The following CACNA2D3 variants were observed in gnomAD, a reference collection of about 807,000 sequenced individuals.
CACNA2D3 encodes calcium voltage-gated channel auxiliary subunit alpha2delta 3, also known as voltage-dependent calcium channel subunit alpha-2/delta-3.
A neutral mutation model predicts 160.6 loss-of-function variants in CACNA2D3; 60 were observed. The ratio of observed to expected loss-of-function variants is 0.37; its 90% CI spans 0.30 to 0.46. The LOEUF (loss-of-function observed/expected upper bound fraction) is 0.46. CACNA2D3 is among the 20% of genes least tolerant of loss of function. The pLI is 1.00. For synonymous variants in CACNA2D3, 558 were observed against 492.9 expected (o/e 1.13, Z -1.75); for missense variants, 1,205 against 1,365.0 (o/e 0.88, Z 1.85).
intron 4 of CACNA2D3, among the ~76,000 whole-genome samples, chr3:54,388,206 G>C (rs1462180880): frequency 6.6e-6 from 1 of 152,212 alleles, no homozygotes; most frequent in African/African-American, 2.4e-5. Flanking sequence ...CCAGAACTCA[G>C]GGAAGATGGC....
intron 4 of CACNA2D3, among the ~76,000 whole-genome samples, chr3:54,488,207 A>G (rs1056218388): frequency 1.3e-5 from 2 of 152,078 alleles, no homozygotes; most frequent in Admixed American, 6.6e-5. Flanking sequence ...TTCCATACCA[A>G]TGGGATGGGT....
At chr3:54,389,907 G>A (rs1446597427) in intron 4 of CACNA2D3, among the ~76,000 whole-genome samples, 3 of 152,192 alleles carry the variant, frequency 2.0e-5, no homozygotes, top group Non-Finnish European at 4.4e-5. Context: ...AAACAATGCT[G>A]TATTAATGTT....
intron 17 of CACNA2D3, among the ~76,000 whole-genome samples, chr3:54,860,855 A>G (rs144349440): frequency 5.9e-5 from 9 of 152,328 alleles, no homozygotes; most frequent in African/African-American, 1.9e-4. Context: ...ATGAGAACAA[A>G]AAAATAGTGC....
At chr3:54,211,000 T>A (rs1375923513) in intron 2 of CACNA2D3, among the ~76,000 whole-genome samples, 1 of 152,190 alleles carries the variant, frequency 6.6e-6, no homozygotes, top group Admixed American at 6.5e-5. Flanking sequence ...TATATATATG[T>A]CTTAAGCGTC....
intron 3 of CACNA2D3, among the ~76,000 whole-genome samples, chr3:54,360,088 G>GC (rs1698716370): frequency 1.3e-5 from 2 of 152,164 alleles, no homozygotes; most frequent in Non-Finnish European, 1.5e-5. Flanking sequence ...AATGTGGTTG[G>GC]CCCCCCACCT....
intron 2 of CACNA2D3, among the ~76,000 whole-genome samples, chr3:54,183,211 A>T (rs1003895439): frequency 1.3e-3 from 104 of 81,454 alleles, no homozygotes; most frequent in South Asian, 9.2e-3. Flanking sequence ...CATAAAGAAA[A>T]TTTTTTTTTT....
At chr3:54,505,280 C>G (rs1232587859) in intron 5 of CACNA2D3, among the ~76,000 whole-genome samples, 2 of 152,158 alleles carry the variant, frequency 1.3e-5, no homozygotes, top group African/African-American at 2.4e-5. Flanking sequence ...ATTAGAACAC[C>G]ATGTATCACA....
chr3:54,642,294 G>T, intron 11 of CACNA2D3, 53 bp downstream of exon 11: 1 of 1,021,774 alleles, frequency 9.8e-7, no homozygotes, highest in Admixed American at 2.4e-5. Context: ...AATCTTTACT[G>T]TAATCTCCAG....
intron 31 of CACNA2D3, among the ~76,000 whole-genome samples, chr3:55,003,865 A>C (rs145856164): frequency 6.6e-6 from 1 of 152,316 alleles, no homozygotes; most frequent in Non-Finnish European, 1.5e-5. Context: ...TAGATAGATA[A>C]GGGAACTTCA....
chr3:54,502,196 C>G (rs1486790820), intron 4 of CACNA2D3, among the ~76,000 whole-genome samples: 1 of 152,204 alleles, frequency 6.6e-6, no homozygotes, highest in East Asian at 1.9e-4. Context: ...TTGGAAAATA[C>G]TCAGCCATTA....
chr3:54,317,233 G>A (rs1021581807), intron 2 of CACNA2D3, among the ~76,000 whole-genome samples: 6 of 152,206 alleles, frequency 3.9e-5, no homozygotes, highest in Admixed American at 2.6e-4. Context: ...ACCAGAGCAC[G>A]CTGTTAGCTT....
chr3:54,260,201 T>C (rs76569337), intron 2 of CACNA2D3, among the ~76,000 whole-genome samples: 27,524 of 152,114 alleles, frequency 0.18, 2,866 homozygotes, highest in South Asian at 0.26. Context: ...CTCTTTTTTC[T>C]CTGGGAACTA....
At chr3:54,866,477 C>A (rs1420180554) in intron 17 of CACNA2D3, among the ~76,000 whole-genome samples, 1 of 152,186 alleles carries the variant, frequency 6.6e-6, no homozygotes, top group Non-Finnish European at 1.5e-5. Context: ...ACCCCATGTC[C>A]AGATGGCATT....
intron 3 of CACNA2D3, among the ~76,000 whole-genome samples, chr3:54,326,522 C>G (rs1420672155): frequency 6.6e-6 from 1 of 152,210 alleles, no homozygotes; most frequent in Admixed American, 6.5e-5. Flanking sequence ...AAAAACTCAT[C>G]TGATCTATAG....
At chr3:54,265,575 AGT>A (rs1553771979) in intron 2 of CACNA2D3, among the ~76,000 whole-genome samples, 1 of 100,430 alleles carries the variant, frequency 1.0e-5, no homozygotes, top group Non-Finnish European at 2.1e-5. Context: ...GTATATATAT[AGT>A]GTGTGTATAT....
intron 35 of CACNA2D3, among the ~76,000 whole-genome samples, chr3:55,056,107 A>G (rs1704353846): frequency 1.3e-5 from 2 of 152,182 alleles, no homozygotes; most frequent in South Asian, 4.1e-4. Flanking sequence ...AACAGCAAGA[A>G]AACAAAACAA....
At chr3:54,749,557 G>T (rs1701818975) in intron 11 of CACNA2D3, among the ~76,000 whole-genome samples, 1 of 151,448 alleles carries the variant, frequency 6.6e-6, no homozygotes, top group Non-Finnish European at 1.5e-5. Context: ...GAATTACTGT[G>T]TGAAAAAAAA....
Position 54,786,208 on chromosome 3 carries a change from C to T in CACNA2D3, c.1380+21857C>T, listed in dbSNP as rs539696649. ...TTGCTTGGGCTATTTTTAAATTATG[C>T]GTGGTAACTCTAGAGTAACGGTCAC... On this transcript the variant is annotated intron_variant, in intron 13 of 37. Coordinates refer to ENST00000474759, the MANE Select transcript of CACNA2D3 (RefSeq NM_018398.3). Among the ~76,000 whole-genome samples, 29 of 152,234 alleles carry T rather than the reference C, an allele frequency of 1.9e-4. No individual in the cohort carries two copies. The East Asian group carries it at 3.5e-3, about 18-fold the overall frequency.
chr3:54,712,150 A>G (rs1186565430), intron 11 of CACNA2D3, among the ~76,000 whole-genome samples: 4 of 152,166 alleles, frequency 2.6e-5, no homozygotes, highest in Admixed American at 1.3e-4. Context: ...GTAAAAATGG[A>G]GATTATCATC....
Sources: allele counts gnomAD v4.1 joint callset (sites outside exome capture counted in the v4.1 genomes callset), GRCh38; gene constraint gnomAD v4.1.1; transcripts MANE v1.5; gene names NCBI Gene and HGNC (gene_info 2026-07-23, HGNC 2026-07-21).